Variants in MGAT4C observed in about 807,000 individuals in gnomAD.
MGAT4C encodes the protein MGAT4 family member C.
Under a neutral mutation model 40.1 loss-of-function variants are expected in MGAT4C, and 19 were observed. That is an observed-to-expected ratio of 0.47 (90% CI 0.33 to 0.70). MGAT4C has a LOEUF of 0.70. Among genes scored for constraint, MGAT4C ranks in the 30% least tolerant of loss-of-function variants. The pLI is 0.02. For missense variants in MGAT4C, 491 were observed against 563.2 expected, an observed-to-expected ratio of 0.87 and a Z score of 1.30; for synonymous variants, 181 against 187.1, an observed-to-expected ratio of 0.97 and a Z score of 0.27.
intron 3 of MGAT4C, among the ~76,000 whole-genome samples, chr12:86,401,076 T>C (rs1956350337): frequency 6.6e-6 from 1 of 152,132 alleles, no homozygotes; most frequent in Non-Finnish European, 1.5e-5. Context: ...AAAAATAATT[T>C]TGAATTTATC....
intron 2 of MGAT4C, among the ~76,000 whole-genome samples, chr12:86,514,111 A>ACACACACACAC (rs1475679807): frequency 7.9e-6 from 1 of 126,578 alleles, no homozygotes; most frequent in African/African-American, 3.2e-5. Flanking sequence ...CACACACACA[A>ACACACACACAC]CCCCGGCTTA....
At chr12:86,229,578 G>A (rs901792548) in intron 1 of MGAT4C, among the ~76,000 whole-genome samples, 1 of 151,952 alleles carries the variant, frequency 6.6e-6, no homozygotes, top group Non-Finnish European at 1.5e-5. Flanking sequence ...TTCAGTATAA[G>A]CCATGCCCTG....
intron 2 of MGAT4C, among the ~76,000 whole-genome samples, chr12:86,549,892 G>T (rs1180958057): frequency 6.6e-6 from 1 of 152,162 alleles, no homozygotes; most frequent in Non-Finnish European, 1.5e-5. Flanking sequence ...AGTTCCTGTT[G>T]TGGGGAAAGA....
intron 4 of MGAT4C, among the ~76,000 whole-genome samples, chr12:86,296,615 C>T (rs1244512633): frequency 6.6e-6 from 1 of 152,196 alleles, no homozygotes; most frequent in East Asian, 1.9e-4. Flanking sequence ...TGCTGGGGGT[C>T]CCAGTACACC....
At chr12:86,201,597 T>C (rs1950052715) in intron 1 of MGAT4C, among the ~76,000 whole-genome samples, 1 of 151,404 alleles carries the variant, frequency 6.6e-6, no homozygotes, top group Non-Finnish European at 1.5e-5. Flanking sequence ...AATCAGGCAA[T>C]GTATGTCCTC....
At chr12:86,602,200 C>T (rs1323660826) in intron 2 of MGAT4C, among the ~76,000 whole-genome samples, 1 of 152,100 alleles carries the variant, frequency 6.6e-6, no homozygotes, top group Non-Finnish European at 1.5e-5. Context: ...GGGCTGGTAG[C>T]ATGAGCCGAG....
intron 3 of MGAT4C, among the ~76,000 whole-genome samples, chr12:86,341,653 A>C (rs985004338): frequency 6.6e-6 from 1 of 152,084 alleles, no homozygotes; most frequent in Non-Finnish European, 1.5e-5. Flanking sequence ...TTTGCTGTTC[A>C]GGAGCCTTTG....
intron 2 of MGAT4C, among the ~76,000 whole-genome samples, chr12:86,007,784 C>G (rs1335490138): frequency 6.6e-6 from 1 of 151,984 alleles, no homozygotes; most frequent in Non-Finnish European, 1.5e-5. Flanking sequence ...TGTATTCTAA[C>G]AAACCATTGC....
At chr12:86,496,705 T>C (rs1592918731) in intron 2 of MGAT4C, among the ~76,000 whole-genome samples, 1 of 152,016 alleles carries the variant, frequency 6.6e-6, no homozygotes, top group East Asian at 1.9e-4. Context: ...TAATGTTCTA[T>C]TAAAAGGTAA....
Position 85,973,882 on chromosome 12 carries a change from C to T in MGAT4C, c.*5407G>A, listed in dbSNP as rs1883762941. 6.6e-6 allele frequency: 1 copy of T among 150,852 alleles called. No homozygotes were observed. The highest frequency in any genetic ancestry group is 2.4e-5 in the African/African-American group (1 of 41,294). 9.3% of individuals were successfully genotyped at this position (150,852 alleles called of 1,614,324 possible). A position where few individuals can be genotyped will look rare whatever the true frequency, so the allele number is the denominator to read the frequency against. On this transcript the variant is annotated 3_prime_UTR_variant, in exon 5 of 5. Transcript: ENST00000611864. Reference sequence around the variant, plus strand: ...TATCTGGCAAATGGTCTCAAACATACATTTCAATTTCAATGTTAAAAATAG... The same window carrying T: ...TATCTGGCAAATGGTCTCAAACATATATTTCAATTTCAATGTTAAAAATAG...
chr12:86,760,871 T>C (rs904758984), intron 1 of MGAT4C, among the ~76,000 whole-genome samples: 1 of 152,176 alleles, frequency 6.6e-6, no homozygotes, highest in Non-Finnish European at 1.5e-5. Flanking sequence ...ATAATTCCAC[T>C]TGTATAAAAC....
intron 2 of MGAT4C, among the ~76,000 whole-genome samples, chr12:86,482,459 C>T (rs569373693): frequency 3.6e-4 from 54 of 151,796 alleles, no homozygotes; most frequent in Non-Finnish European, 2.1e-4. Flanking sequence ...TATATATACT[C>T]GGGATAAGGA....
chr12:86,117,480 C>A (rs1413176781), intron 1 of MGAT4C, among the ~76,000 whole-genome samples: 1 of 151,930 alleles, frequency 6.6e-6, no homozygotes, highest in Non-Finnish European at 1.5e-5. Context: ...TAGACTATGG[C>A]AAATTAGAGG....
chr12:86,684,122 C>A (rs199647168), intron 2 of MGAT4C, among the ~76,000 whole-genome samples: 1 of 152,048 alleles, frequency 6.6e-6, no homozygotes, highest in Non-Finnish European at 1.5e-5. Context: ...ACGCCTGTAA[C>A]CCCAGCACTT....
At chr12:86,705,962 C>T (rs998079580) in intron 2 of MGAT4C, among the ~76,000 whole-genome samples, 1 of 152,038 alleles carries the variant, frequency 6.6e-6, no homozygotes, top group Non-Finnish European at 1.5e-5. Context: ...AAGATTAGTA[C>T]AATAGAATAA....
intron 1 of MGAT4C, among the ~76,000 whole-genome samples, chr12:86,802,513 T>A (rs1565999597): frequency 6.6e-6 from 1 of 152,026 alleles, no homozygotes; most frequent in Admixed American, 6.6e-5. Context: ...GAATATATAA[T>A]ACATCAAAAA....
chr12:86,363,970 T>TCA (rs767986293), intron 3 of MGAT4C, among the ~76,000 whole-genome samples: 5 of 77,764 alleles, frequency 6.4e-5, no homozygotes, highest in South Asian at 1.5e-3. Flanking sequence ...TCTCTCTCTC[T>TCA]CTCACACACA....
chr12:86,421,604 C>T (rs953556029), intron 3 of MGAT4C, among the ~76,000 whole-genome samples: 16 of 152,006 alleles, frequency 1.1e-4, no homozygotes, highest in South Asian at 4.1e-4. Flanking sequence ...AGAGAAACCC[C>T]GTCTCTACTA....
chr12:86,748,719 A>G (rs1422789554), intron 1 of MGAT4C, among the ~76,000 whole-genome samples: 1 of 151,682 alleles, frequency 6.6e-6, no homozygotes, highest in East Asian at 1.9e-4. Flanking sequence ...CTTTAACTGT[A>G]TAAGATGTGA....
Sources: gnomAD v4.1 joint callset for allele counts (sites outside exome capture counted in the v4.1 genomes callset) on GRCh38, gnomAD v4.1.1 for gene constraint, MANE v1.5 for transcripts, NCBI Gene and HGNC (gene_info 2026-07-23, HGNC 2026-07-21) for gene names.